The following PTPRG variants were observed in gnomAD, a reference collection of about 807,000 sequenced individuals.
PTPRG encodes the protein receptor-type tyrosine-protein phosphatase gamma.
PTPRG carries 102 observed loss-of-function variants against 165.3 expected under a neutral mutation model. The observed-to-expected ratio is 0.62, with a 90% CI of 0.53 to 0.73. The LOEUF (loss-of-function observed/expected upper bound fraction) is 0.73, where lower values mean the gene tolerates loss of function less well. Ranked by LOEUF, PTPRG falls within the 30% of genes least tolerant of loss-of-function variation. PTPRG has a pLI of 0.00. For synonymous variants in PTPRG, 675 were observed against 669.5 expected, an observed-to-expected ratio of 1.01 and a Z score of -0.13; for missense variants, 1,866 against 1,861.4, an observed-to-expected ratio of 1.00 and a Z score of -0.05.
chr3:61,995,360 G>C (rs1346583706), intron 3 of PTPRG, among the ~76,000 whole-genome samples: 1 of 152,000 alleles, frequency 6.6e-6, no homozygotes, highest in East Asian at 1.9e-4. Flanking sequence ...AAAGTGCTGG[G>C]ATTACAGGCA....
At chr3:61,749,040 A>C in intron 2 of PTPRG, 58 bp downstream of exon 2, 73 of 1,309,596 alleles carry the variant, frequency 5.6e-5, no homozygotes, top group Non-Finnish European at 7.2e-5. Flanking sequence ...CATTCAACTC[A>C]CTTGAAAGCA....
At chr3:62,021,895 A>G (rs1289459982) in intron 4 of PTPRG, among the ~76,000 whole-genome samples, 2 of 34,026 alleles carry the variant, frequency 5.9e-5, no homozygotes, top group East Asian at 1.2e-3. Flanking sequence ...TGTTTTGTTT[A>G]GACTTTCTAT....
intron 4 of PTPRG, among the ~76,000 whole-genome samples, chr3:62,045,081 A>G (rs920067563): frequency 6.6e-6 from 1 of 151,932 alleles, no homozygotes; most frequent in African/African-American, 2.4e-5. Context: ...ATTTCATGAA[A>G]CTCATAGTAG....
chr3:61,776,853 ATTT>A (rs2034398587), intron 2 of PTPRG, among the ~76,000 whole-genome samples: 1 of 152,038 alleles, frequency 6.6e-6, no homozygotes, highest in Non-Finnish European at 1.5e-5. Flanking sequence ...GTGTTGCCAG[ATTT>A]TTTATTTTGC....
intron 1 of PTPRG, among the ~76,000 whole-genome samples, chr3:61,576,325 G>C (rs541157735): frequency 5.9e-5 from 9 of 152,324 alleles, no homozygotes; most frequent in African/African-American, 2.2e-4. Context: ...ATCAGCACGA[G>C]TAGGGTACAC....
At chr3:61,754,666 TAAA>T (rs1159293442) in intron 2 of PTPRG, among the ~76,000 whole-genome samples, 1 of 152,212 alleles carries the variant, frequency 6.6e-6, no homozygotes, top group Non-Finnish European at 1.5e-5. Context: ...GAAATTCAGA[TAAA>T]TTAGTGGGTG....
chr3:61,833,861 A>G (rs35995169), intron 2 of PTPRG, among the ~76,000 whole-genome samples: 76,013 of 152,020 alleles, frequency 0.5, 20,154 homozygotes, highest in East Asian at 0.67. Flanking sequence ...CACCGCGCCC[A>G]GCCGTGTTGA....
At chr3:61,783,824 TGTC>T (rs1401879953) in intron 2 of PTPRG, among the ~76,000 whole-genome samples, 1 of 152,094 alleles carries the variant, frequency 6.6e-6, no homozygotes, top group East Asian at 1.9e-4. Context: ...ATCGGGGCCT[TGTC>T]GTGGAGAGCC....
chr3:62,189,891 T>C (rs1699764990), intron 8 of PTPRG, among the ~76,000 whole-genome samples: 1 of 152,200 alleles, frequency 6.6e-6, no homozygotes, highest in South Asian at 2.1e-4. Flanking sequence ...CCTGCCTGCC[T>C]GTCTTTTCTG....
intron 2 of PTPRG, among the ~76,000 whole-genome samples, chr3:61,953,586 T>C (rs761364277): frequency 1.3e-5 from 2 of 152,084 alleles, no homozygotes; most frequent in Non-Finnish European, 2.9e-5. Context: ...GTTGTGGTGG[T>C]TCTATGGGGA....
intron 2 of PTPRG, among the ~76,000 whole-genome samples, chr3:61,802,119 T>C (rs1214072284): frequency 6.6e-6 from 1 of 152,042 alleles, no homozygotes; most frequent in Non-Finnish European, 1.5e-5. Context: ...AGCACCAAGA[T>C]ACATGCTGCA....
chr3:61,796,005 AAGCAGGGAGAAATTTGT>A (rs1330836618), intron 2 of PTPRG, among the ~76,000 whole-genome samples: 1 of 152,176 alleles, frequency 6.6e-6, no homozygotes, highest in Non-Finnish European at 1.5e-5. Flanking sequence ...CCACCAGCCA[AAGCAGGGAGAAATTTGT>A]AGCTCAGGCC....
At chr3:62,130,237 C>T (rs10510875) in intron 5 of PTPRG, among the ~76,000 whole-genome samples, 1,612 of 152,280 alleles carry the variant, frequency 0.011, 26 homozygotes, top group Middle Eastern at 0.058. Context: ...CTAGGACTAC[C>T]TATGTCTACT....
intron 12 of PTPRG, among the ~76,000 whole-genome samples, chr3:62,212,433 T>C (rs1464666465): frequency 6.6e-6 from 1 of 151,358 alleles, no homozygotes; most frequent in Non-Finnish European, 1.5e-5. Flanking sequence ...AGCTGCTTTG[T>C]ACAGAAAGAG....
chr3:61,891,477 A>G (rs2038212481), intron 2 of PTPRG, among the ~76,000 whole-genome samples: 2 of 152,344 alleles, frequency 1.3e-5, no homozygotes, highest in South Asian at 2.1e-4. Context: ...TAGTCTGTTC[A>G]TGGAAACACA....
At chr3:61,742,496 A>G in intron 1 of PTPRG, 1 of 1,594,454 alleles carries the variant, frequency 6.3e-7, no homozygotes, top group African/African-American at 1.4e-5. Flanking sequence ...CTCTCGATAT[A>G]TAAGGCCCGG....
At chr3:61,710,852 A>G (rs912799632) in intron 1 of PTPRG, among the ~76,000 whole-genome samples, 2 of 152,060 alleles carry the variant, frequency 1.3e-5, no homozygotes, top group African/African-American at 4.8e-5. Flanking sequence ...TGCATGTGCC[A>G]TGGTGGTTTG....
chr3:61,608,746 C>T (rs1701083404), intron 1 of PTPRG, among the ~76,000 whole-genome samples: 1 of 152,192 alleles, frequency 6.6e-6, no homozygotes, highest in Admixed American at 6.5e-5. Context: ...AGAGGGACCT[C>T]AGTCCATTTC....
At chr3:61,600,713 A>G (rs1448582761) in intron 1 of PTPRG, among the ~76,000 whole-genome samples, 1 of 151,774 alleles carries the variant, frequency 6.6e-6, no homozygotes, top group Non-Finnish European at 1.5e-5. Flanking sequence ...CTCATTTTTA[A>G]TTTTTTTGTG....
Sources: gnomAD v4.1 joint callset for allele counts (sites outside exome capture counted in the v4.1 genomes callset) on GRCh38, gnomAD v4.1.1 for gene constraint, MANE v1.5 for transcripts, NCBI Gene and HGNC (gene_info 2026-07-23, HGNC 2026-07-21) for gene names.